Variants in FASTKD5 observed in about 807,000 individuals in gnomAD.
FASTKD5 encodes non-canonical pre-mRNAs endonuclease FASTKD5, mitochondrial.
Under a neutral mutation model 44.0 loss-of-function variants are expected in FASTKD5, and 30 were observed. That is an observed-to-expected ratio of 0.68 (90% CI 0.51 to 0.93). The LOEUF is 0.93. FASTKD5 is among the 40% of genes least tolerant of loss of function. The pLI is 0.00. For synonymous variants in FASTKD5, 335 were observed against 342.2 expected, an observed-to-expected ratio of 0.98 and a Z score of 0.23; for missense variants, 868 against 908.2, an observed-to-expected ratio of 0.96 and a Z score of 0.57.
intron 1 of FASTKD5, among the ~76,000 whole-genome samples, chr20:3,152,369 T>A (rs1234912583): frequency 6.6e-6 from 1 of 151,130 alleles, no homozygotes; most frequent in East Asian, 2.0e-4. Context: ...CAATTGCAGC[T>A]GGGGCACCTG....
At chr20:3,158,862 C>A (rs2066717240) in intron 1 of FASTKD5, among the ~76,000 whole-genome samples, 1 of 152,220 alleles carries the variant, frequency 6.6e-6, no homozygotes, top group Admixed American at 6.5e-5. Flanking sequence ...GAATCTAGTT[C>A]TGGAAAGGCA....
chr20:3,146,933 T>C lies in FASTKD5; in HGVS notation c.2138A>G (p.Asp713Gly), dbSNP rs73573808. Residue 713 changes from aspartate to glycine, a missense_variant, in exon 2 of 2, where the codon GAT (aspartate) becomes GGT (glycine). Transcript: ENST00000380266. Reference protein sequence around the residue: ...NRNQYCYGSRDLLGLHNMKRR... With the variant: ...NRNQYCYGSRGLLGLHNMKRR... ...CTTCATATTGTGCAGTCCAAGGAGA[T>C]CCCTGGAGCCATAGCAATACTGGTT... The C allele has an allele frequency of 9.3e-3, 14,997 of 1,614,092 alleles. 908 individuals carry two copies. The African/African-American group carries it at 0.15, about 16-fold the overall frequency.
At chr20:3,154,894 A>G (rs1226345238) in intron 1 of FASTKD5, among the ~76,000 whole-genome samples, 1 of 151,832 alleles carries the variant, frequency 6.6e-6, no homozygotes, top group Non-Finnish European at 1.5e-5. Flanking sequence ...TCCATAATAA[A>G]GAAGTACAAT....
chr20:3,147,537 T>C lies in FASTKD5; in HGVS notation c.1534A>G (p.Lys512Glu). 6.2e-7 allele frequency: 1 copy of C among 1,614,188 alleles called. No homozygotes were observed. The highest frequency in any genetic ancestry group is 1.1e-5 in the South Asian group (1 of 91,080). Reference sequence around the variant, plus strand: ...GTACCATCGAGGGTATATAGTTCCTTAAGGAGGTCAAACTTAGTTCTCTCC... The same window carrying C: ...GTACCATCGAGGGTATATAGTTCCTCAAGGAGGTCAAACTTAGTTCTCTCC... The part of the protein sequence containing the change: ...AQERTKFDLL[K>E]ELYTLDGTVG... Residue 512 changes from lysine (K) to glutamate (E), a missense_variant, in exon 2 of 2, where the codon AAG (lysine) becomes GAG (glutamate). By Grantham distance (56) the Lys-to-Glu change is moderately conservative (BLOSUM62 1). Coordinates refer to ENST00000380266, the MANE Select transcript of FASTKD5 (RefSeq NM_021826.5).
At chr20:3,155,800 A>T (rs143955693) in intron 1 of FASTKD5, among the ~76,000 whole-genome samples, 1 of 152,368 alleles carries the variant, frequency 6.6e-6, no homozygotes, top group African/African-American at 2.4e-5. Context: ...CAGAAATGAT[A>T]ACAAAATAAG....
chr20:3,148,964 G>A lies in FASTKD5; in HGVS notation c.107C>T (p.Thr36Ile), dbSNP rs1190700034. 6.8e-6 allele frequency: 11 copies of A among 1,614,098 alleles called. No homozygotes were observed. Among genetic ancestry groups the A allele is most frequent in the South Asian group, 1.1e-5 (1 of 91,090 alleles). Residue 36 changes from threonine to isoleucine, a missense_variant, in exon 2 of 2, where the codon ACA becomes ATA. Transcript: ENST00000380266. ...TGGAGGGTCCTGTCCCCCATGCTGTGTGCTGCTCACATTCCAGTATGACAC... is the reference window on the plus strand; with the variant it reads ...TGGAGGGTCCTGTCCCCCATGCTGTATGCTGCTCACATTCCAGTATGACAC... ...RSVSYWNVSS[T>I]QHGGQDPPEH...
chr20:3,147,233 A>G lies in FASTKD5; in HGVS notation c.1838T>C (p.Val613Ala). The change falls in exon 2 of 2, where the codon GTA becomes GCA. Residue 613 changes from valine to alanine, a missense_variant. Physicochemically the swap from Val to Ala is moderately conservative, Grantham distance 64. Coordinates refer to ENST00000380266, the MANE Select transcript of FASTKD5 (RefSeq NM_021826.5). ...FNREATPAEN[V>A]AKLRLEHVGV... ...CACATGCTCAAGCCTTAATTTGGCT[A>G]CATTTTCAGCCGGCGTGGCTTCTCT... The G allele has an allele frequency of 6.2e-7, 1 of 1,614,224 alleles. No individual in the cohort carries two copies. Among genetic ancestry groups the G allele is most frequent in the Non-Finnish European group, 8.5e-7 (1 of 1,180,050 alleles).
At chr20:3,153,254 A>G (rs923140207) in intron 1 of FASTKD5, among the ~76,000 whole-genome samples, 4 of 152,258 alleles carry the variant, frequency 2.6e-5, no homozygotes, top group Non-Finnish European at 4.4e-5. Flanking sequence ...TGTTTGGTGC[A>G]GCTCCAGTGT....
At chr20:3,151,093 G>A (rs2066619710) in intron 1 of FASTKD5, among the ~76,000 whole-genome samples, 1 of 151,954 alleles carries the variant, frequency 6.6e-6, no homozygotes, top group Admixed American at 6.6e-5. Context: ...TGTGGAGATG[G>A]AGTCTCACAA....
chr20:3,147,227 T>C lies in FASTKD5; in HGVS notation c.1844A>G (p.Lys615Arg), dbSNP rs2066573900. The C allele has an allele frequency of 1.2e-6, 2 of 1,614,228 alleles. No individual in the cohort carries two copies. Among genetic ancestry groups the C allele is most frequent in the East Asian group, 2.2e-5 (1 of 44,894 alleles). Reference sequence around the variant, plus strand: ...GACTCCCACATGCTCAAGCCTTAATTTGGCTACATTTTCAGCCGGCGTGGC... The same window carrying C: ...GACTCCCACATGCTCAAGCCTTAATCTGGCTACATTTTCAGCCGGCGTGGC... ...REATPAENVA[K>R]LRLEHVGVSL... The change falls in exon 2 of 2, where the codon AAA becomes AGA. Residue 615 changes from lysine to arginine, a missense_variant. Physicochemically the swap from Lys to Arg is conservative, Grantham distance 26. Transcript: ENST00000380266.
chr20:3,156,955 T>A (rs2122133976), intron 1 of FASTKD5, among the ~76,000 whole-genome samples: 1 of 152,258 alleles, frequency 6.6e-6, no homozygotes, highest in South Asian at 2.1e-4. Context: ...TTGAGCAACC[T>A]TAAGAATTAA....
chr20:3,152,998 T>C (rs1246003594), intron 1 of FASTKD5, among the ~76,000 whole-genome samples: 1 of 151,208 alleles, frequency 6.6e-6, no homozygotes, highest in African/African-American at 2.4e-5. Flanking sequence ...AAACAGAAAA[T>C]GTCTGTCTAG....
intron 1 of FASTKD5, among the ~76,000 whole-genome samples, chr20:3,153,306 C>T (rs973603234): frequency 6.6e-6 from 1 of 152,196 alleles, no homozygotes; most frequent in Admixed American, 6.5e-5. Context: ...AAAACACAGG[C>T]TAAGATCCAA....
chr20:3,146,903 C>T lies in FASTKD5; in HGVS notation c.2168G>A (p.Arg723Gln), dbSNP rs752646460. 8.1e-6 allele frequency: 13 copies of T among 1,614,128 alleles called. No individual in the cohort carries two copies. Among genetic ancestry groups the T allele is most frequent in the Middle Eastern group, 1.7e-4 (1 of 6,060 alleles). Residue 723 changes from arginine (R) to glutamine (Q), a missense_variant, in exon 2 of 2, where the codon CGG becomes CAG. Physicochemically the swap from Arg to Gln is conservative, Grantham distance 43. Transcript: ENST00000380266. ...DLLGLHNMKR[R>Q]QLARLGYRVV... is the part of the protein sequence containing the mutation. ...ACGGTAGCCAAGCCGAGCCAGCTGCCGCCTCTTCATATTGTGCAGTCCAAG... is the reference window on the plus strand; with the variant it reads ...ACGGTAGCCAAGCCGAGCCAGCTGCTGCCTCTTCATATTGTGCAGTCCAAG...
chr20:3,148,761 C>A lies in FASTKD5; in HGVS notation c.310G>T (p.Glu104Ter). 1 of 1,614,230 alleles carries A rather than the reference C, an allele frequency of 6.2e-7. No homozygotes were observed. The highest frequency in any genetic ancestry group is 8.5e-7 in the Non-Finnish European group (1 of 1,180,036). The change falls in exon 2 of 2, where the codon GAG (glutamate) becomes TAG (stop). Residue 104 changes from glutamate to a stop codon, truncating the protein, a stop_gained. Transcript: ENST00000380266. LOFTEE classifies it high-confidence loss of function. ...GSPRATGVDEEDVEVFDSFEN... is the reference protein window; with the variant it reads ...GSPRATGVDE ...AAGGAATCAAACACTTCTACGTCCT[C>A]TTCATCAACTCCTGTGGCCCTGGGT... is the stretch of plus-strand genomic sequence containing the variant.
chr20:3,158,119 T>C (rs1223490426), intron 1 of FASTKD5, among the ~76,000 whole-genome samples: 2 of 152,146 alleles, frequency 1.3e-5, no homozygotes, highest in East Asian at 1.9e-4. Context: ...TTTTGTTTTT[T>C]TGTGTGTTTT....
In FASTKD5 at chr20:3,146,894, G is replaced by T; in HGVS notation, c.2177C>A (p.Ala726Asp). 1 of 1,614,222 alleles carries T rather than the reference G, an allele frequency of 6.2e-7. No homozygotes were observed. Among genetic ancestry groups the T allele is most frequent in the Non-Finnish European group, 8.5e-7 (1 of 1,180,038 alleles). ...GLHNMKRRQL[A>D]RLGYRVVELS... ...CTCTACCACACGGTAGCCAAGCCGA[G>T]CCAGCTGCCGCCTCTTCATATTGTG... Residue 726 changes from alanine to aspartate, a missense_variant, in exon 2 of 2, where the codon GCT (alanine) becomes GAT (aspartate). Coordinates refer to ENST00000380266, the MANE Select transcript of FASTKD5 (RefSeq NM_021826.5).
intron 1 of FASTKD5, among the ~76,000 whole-genome samples, chr20:3,152,256 G>A (rs183474087): frequency 2.6e-4 from 40 of 151,876 alleles, no homozygotes; most frequent in Admixed American, 2.4e-3. Flanking sequence ...TGAGGCGGGT[G>A]GATCTATGAG....
rs1031419177 is a variant in FASTKD5, at chr20:3,149,496, A to G, written c.-190-236T>C. ...GGCAGTTCCTGGACTGCTGCTCACC[A>G]GACTTCCTTCACTGTACAAGGCAAG... On this transcript the variant is annotated intron_variant, in intron 1 of 1. Coordinates refer to ENST00000380266, the MANE Select transcript of FASTKD5 (RefSeq NM_021826.5). The surrounding 1 kb of genome is among the most constrained non-coding windows in gnomAD (Gnocchi z 4.1). Among the ~76,000 whole-genome samples, 1 of 152,162 alleles carries G rather than the reference A, an allele frequency of 6.6e-6. No homozygotes were observed. The highest frequency in any genetic ancestry group is 2.4e-5 in the African/African-American group (1 of 41,448).
Sources: allele counts gnomAD v4.1 joint callset (sites outside exome capture counted in the v4.1 genomes callset), GRCh38; gene constraint gnomAD v4.1.1; non-coding constraint Gnocchi (gnomAD v3.1); transcripts MANE v1.5; gene names NCBI Gene and HGNC (gene_info 2026-07-23, HGNC 2026-07-21).